The following SLC35F1 variants were observed in gnomAD, a reference collection of about 807,000 sequenced individuals.
SLC35F1 encodes the protein solute carrier family 35 member F1.
In SLC35F1, 14 loss-of-function variants were observed where a neutral mutation model predicts 48.7. That is an observed-to-expected ratio of 0.29 (90% CI 0.19 to 0.45). SLC35F1 has a LOEUF of 0.45. SLC35F1 is among the 20% of genes least tolerant of loss of function. The pLI, the probability that SLC35F1 is intolerant of heterozygous loss-of-function variation, is 1.00. For synonymous variants in SLC35F1, 190 were observed against 202.2 expected, an observed-to-expected ratio of 0.94 and a Z score of 0.51; for missense variants, 404 against 500.0, an observed-to-expected ratio of 0.81 and a Z score of 1.83.
intron 1 of SLC35F1, among the ~76,000 whole-genome samples, chr6:118,052,003 C>G (rs1394375308): frequency 1.3e-5 from 2 of 152,100 alleles, no homozygotes; most frequent in Non-Finnish European, 2.9e-5. Flanking sequence ...CCTTCCATGT[C>G]TTATCAAGAC....
intron 1 of SLC35F1, among the ~76,000 whole-genome samples, chr6:118,070,719 C>T (rs1454418424): frequency 6.6e-6 from 1 of 150,512 alleles, no homozygotes; most frequent in Non-Finnish European, 1.5e-5. Context: ...ACATCATCTA[C>T]AGTACTAACT....
chr6:117,949,547 C>T (rs1421366542), intron 1 of SLC35F1, among the ~76,000 whole-genome samples: 2 of 152,056 alleles, frequency 1.3e-5, no homozygotes, highest in African/African-American at 4.8e-5. Context: ...ATGTGAGACG[C>T]CCTTGTGACC....
intron 1 of SLC35F1, among the ~76,000 whole-genome samples, chr6:118,006,899 G>A (rs1777181073): frequency 6.6e-6 from 1 of 151,956 alleles, no homozygotes; most frequent in African/African-American, 2.4e-5. Context: ...TGCTACATGT[G>A]TGTAAATGTT....
chr6:117,923,988 T>C (rs1474746169), intron 1 of SLC35F1, among the ~76,000 whole-genome samples: 2 of 150,912 alleles, frequency 1.3e-5, no homozygotes, highest in East Asian at 3.9e-4. Flanking sequence ...GAAATTGACA[T>C]ACATATATAC....
chr6:117,974,310 A>G (rs1014930584), intron 1 of SLC35F1, among the ~76,000 whole-genome samples: 23 of 152,310 alleles, frequency 1.5e-4, no homozygotes, highest in African/African-American at 5.5e-4. Context: ...ATTTCCCCAG[A>G]CTAGCAATGT....
intron 7 of SLC35F1, among the ~76,000 whole-genome samples, chr6:118,302,068 G>A (rs1389330083): frequency 6.6e-6 from 1 of 151,820 alleles, no homozygotes; most frequent in Non-Finnish European, 1.5e-5. Context: ...TGAAGTGTCT[G>A]CCCCCTATTT....
intron 1 of SLC35F1, among the ~76,000 whole-genome samples, chr6:117,952,420 T>C (rs1215473542): frequency 6.6e-6 from 1 of 152,248 alleles, no homozygotes; most frequent in Non-Finnish European, 1.5e-5. Context: ...GATTTGCTTC[T>C]TTCAGAAAAT....
At chr6:118,220,958 C>T (rs1775139001) in intron 2 of SLC35F1, among the ~76,000 whole-genome samples, 1 of 152,104 alleles carries the variant, frequency 6.6e-6, no homozygotes, top group Non-Finnish European at 1.5e-5. Flanking sequence ...CTGTGCTTCC[C>T]AACATGTTTG....
At chr6:118,084,993 G>T (rs1298349022) in intron 1 of SLC35F1, among the ~76,000 whole-genome samples, 7 of 152,098 alleles carry the variant, frequency 4.6e-5, no homozygotes, top group African/African-American at 7.2e-5. Flanking sequence ...CTTATTCTTT[G>T]ATTTGTTTAA....
At chr6:118,033,022 T>G (rs2114894698) in intron 1 of SLC35F1, among the ~76,000 whole-genome samples, 1 of 152,288 alleles carries the variant, frequency 6.6e-6, no homozygotes, top group South Asian at 2.1e-4. Flanking sequence ...ACATCTTTTC[T>G]TCAAGTCTAA....
At chr6:118,078,536 A>G (rs1359520924) in intron 1 of SLC35F1, among the ~76,000 whole-genome samples, 3 of 152,246 alleles carry the variant, frequency 2.0e-5, no homozygotes, top group South Asian at 2.1e-4. Flanking sequence ...TAAGAAAAAA[A>G]TAAAATAAAA....
intron 1 of SLC35F1, among the ~76,000 whole-genome samples, chr6:118,095,681 C>A (rs1452383015): frequency 6.6e-6 from 1 of 152,072 alleles, no homozygotes; most frequent in Non-Finnish European, 1.5e-5. Flanking sequence ...CATGGAGGTT[C>A]CTTGACCAAA....
chr6:118,093,925 A>G (rs1773112912), intron 1 of SLC35F1, among the ~76,000 whole-genome samples: 1 of 152,146 alleles, frequency 6.6e-6, no homozygotes, highest in African/African-American at 2.4e-5. Flanking sequence ...ATTATATTTG[A>G]CAAGACAAAG....
intron 1 of SLC35F1, among the ~76,000 whole-genome samples, chr6:117,936,849 T>G (rs538444332): frequency 6.6e-6 from 1 of 152,210 alleles, no homozygotes; most frequent in African/African-American, 2.4e-5. Context: ...ATGGCTTATG[T>G]AGGCATCTAT....
At chr6:118,212,750 G>GGAAA (rs1463774272) in intron 2 of SLC35F1, among the ~76,000 whole-genome samples, 1 of 142,816 alleles carries the variant, frequency 7.0e-6, no homozygotes, top group East Asian at 2.0e-4. Context: ...AAGGAAGGAA[G>GGAAA]GAAGGAAGGA....
intron 1 of SLC35F1, among the ~76,000 whole-genome samples, chr6:118,054,383 T>C (rs1772433768): frequency 1.3e-5 from 2 of 152,212 alleles, no homozygotes; most frequent in Admixed American, 6.5e-5. Flanking sequence ...ACTGTTTTAG[T>C]CATATATCAT....
intron 3 of SLC35F1, among the ~76,000 whole-genome samples, chr6:118,245,090 A>AT (rs1187407047): frequency 1.3e-5 from 2 of 152,228 alleles, no homozygotes; most frequent in Non-Finnish European, 2.9e-5. Flanking sequence ...AGCTTTAAGT[A>AT]TTATAGACAT....
chr6:118,254,341 G>A (rs958937195), intron 3 of SLC35F1, among the ~76,000 whole-genome samples: 1 of 152,156 alleles, frequency 6.6e-6, no homozygotes. Flanking sequence ...GAGTGCGGTG[G>A]TATGATCCTA....
intron 1 of SLC35F1, among the ~76,000 whole-genome samples, chr6:117,963,105 C>T (rs542217618): frequency 1.3e-5 from 2 of 152,224 alleles, no homozygotes; most frequent in East Asian, 3.9e-4. Flanking sequence ...TTATCTACTT[C>T]CAATATGGCA....
Sources: allele counts gnomAD v4.1 joint callset (sites outside exome capture counted in the v4.1 genomes callset), GRCh38; gene constraint gnomAD v4.1.1; transcripts MANE v1.5; gene names NCBI Gene and HGNC (gene_info 2026-07-23, HGNC 2026-07-21).